The following PARVA variants were observed in gnomAD, a reference collection of about 807,000 sequenced individuals.
PARVA encodes the protein alpha-parvin.
PARVA carries 25 observed loss-of-function variants against 52.6 expected under a neutral mutation model. That is an observed-to-expected ratio of 0.48 (90% confidence interval 0.35 to 0.66). The LOEUF (loss-of-function observed/expected upper bound fraction) is 0.66. PARVA is among the 30% of genes least tolerant of loss of function. The pLI is 0.01. For synonymous variants in PARVA, 185 were observed against 179.1 expected (o/e 1.03, Z -0.26); for missense variants, 373 against 450.9 (o/e 0.83, Z 1.56).
At chr11:12,447,814 C>T (rs1940567456) in intron 1 of PARVA, among the ~76,000 whole-genome samples, 1 of 152,172 alleles carries the variant, frequency 6.6e-6, no homozygotes, top group Non-Finnish European at 1.5e-5. Context: ...AGACCACTCC[C>T]AGTGTTGGGG....
intron 1 of PARVA, among the ~76,000 whole-genome samples, chr11:12,380,326 C>T (rs1030235470): frequency 2.0e-5 from 3 of 150,552 alleles, no homozygotes; most frequent in African/African-American, 7.4e-5. Flanking sequence ...CTTAATCACT[C>T]CGAGGCCTGA....
rs148879305 is a variant in PARVA, at chr11:12,415,159, G to A, written c.136+37376G>A. Among the ~76,000 whole-genome samples, 338 of 152,286 alleles carry A rather than the reference G, an allele frequency of 2.2e-3. 1 individual carries two copies. Among genetic ancestry groups the A allele is most frequent in the African/African-American group, 7.9e-3 (328 of 41,550 alleles). On this transcript the variant is annotated intron_variant, in intron 1 of 12. Transcript: ENST00000334956. ...GGGAGAGAGTTTATTTGACATGTCA[G>A]CTGCAGGCTGTGCTTACACAGATGG...
rs11022338 is a variant in PARVA at position 12,400,181 on chromosome 11, C to T, written c.136+22398C>T. Among the ~76,000 whole-genome samples the T allele has an allele frequency of 0.035, 5,356 of 152,212 alleles. 440 individuals carry two copies. The East Asian group carries it at 0.37, about 11-fold the overall frequency. On this transcript the variant is annotated intron_variant, in intron 1 of 12. Coordinates refer to ENST00000334956, the MANE Select transcript of PARVA (RefSeq NM_018222.5). ...GGATGTGCCAACATATGTTCCCAGC[C>T]GTAGTCTATGAGAGTGCCTATTTAA...
In PARVA at chr11:12,533,478, C is replaced by T. The variant is rs1301779253; in HGVS notation, c.*5553C>T. Among the ~76,000 whole-genome samples the T allele has an allele frequency of 6.6e-6, 1 of 152,126 alleles. No individual in the cohort carries two copies. The highest frequency in any genetic ancestry group is 1.5e-5 in the Non-Finnish European group (1 of 68,024). On this transcript the variant is annotated 3_prime_UTR_variant, in exon 13 of 13. Coordinates refer to ENST00000334956, the MANE Select transcript of PARVA (RefSeq NM_018222.5). ...TATAAAATCTACCAAAAGGGGGTCA[C>T]TTAATGTTTCACAATGTTTGGTGAA... is the stretch of plus-strand genomic sequence containing the variant.
intron 4 of PARVA, chr11:12,480,309 A>C (rs1427299078): frequency 6.6e-6 from 1 of 152,130 alleles, no homozygotes; most frequent in African/African-American, 2.4e-5. Context: ...CTCAGACATC[A>C]GTATTAATGA....
chr11:12,408,208 G>GC (rs1293133061), intron 1 of PARVA, among the ~76,000 whole-genome samples: 2 of 152,076 alleles, frequency 1.3e-5, no homozygotes, highest in Non-Finnish European at 2.9e-5. Context: ...CACATGTCTG[G>GC]CCCTGCAGCC....
intron 8 of PARVA, 138 bp from the exon 9 acceptor site, chr11:12,513,161 G>T: frequency 1.3e-6 from 1 of 781,216 alleles, no homozygotes; most frequent in Non-Finnish European, 2.3e-6. Flanking sequence ...AGAGTTCCCG[G>T]CACAGTCTAT....
chr11:12,415,472 A>G (rs1260452945), intron 1 of PARVA, among the ~76,000 whole-genome samples: 1 of 141,502 alleles, frequency 7.1e-6, no homozygotes, highest in East Asian at 2.1e-4. Flanking sequence ...CATGTGCTTC[A>G]ATAACCAGGC....
intron 1 of PARVA, among the ~76,000 whole-genome samples, chr11:12,456,188 T>C (rs1323082089): frequency 6.6e-6 from 1 of 152,212 alleles, no homozygotes; most frequent in Non-Finnish European, 1.5e-5. Flanking sequence ...TGGCATGTAC[T>C]GAGAAAAGGC....
intron 1 of PARVA, among the ~76,000 whole-genome samples, chr11:12,435,113 G>A (rs890492817): frequency 2.6e-5 from 4 of 152,150 alleles, no homozygotes; most frequent in African/African-American, 9.7e-5. Context: ...AAGTTTACCT[G>A]GGACTTCCCA....
At chr11:12,389,011 G>A (rs553805728) in intron 1 of PARVA, among the ~76,000 whole-genome samples, 2 of 152,226 alleles carry the variant, frequency 1.3e-5, no homozygotes, top group East Asian at 3.9e-4. Context: ...TGATAGCCAA[G>A]AAGAAATGAT....
At chr11:12,404,104 C>CTT (rs34339812) in intron 1 of PARVA, among the ~76,000 whole-genome samples, 5 of 148,620 alleles carry the variant, frequency 3.4e-5, no homozygotes, top group Non-Finnish European at 1.5e-5. Context: ...TAATATAGCT[C>CTT]TTTTTTTTTT....
chr11:12,513,509 T>G (rs575277740), intron 9 of PARVA, 149 bp downstream of exon 9: 1 of 771,036 alleles, frequency 1.3e-6, no homozygotes, highest in South Asian at 1.4e-5. Flanking sequence ...TTGCCATCCA[T>G]GTACCTGTCT....
At chr11:12,436,908 A>G (rs1453015709) in intron 1 of PARVA, among the ~76,000 whole-genome samples, 1 of 152,210 alleles carries the variant, frequency 6.6e-6, no homozygotes, top group Non-Finnish European at 1.5e-5. Context: ...AACTTGAAAT[A>G]TGGGGATACT....
At chr11:12,415,430 C>T (rs1290338639) in intron 1 of PARVA, among the ~76,000 whole-genome samples, 1 of 152,102 alleles carries the variant, frequency 6.6e-6, no homozygotes, top group African/African-American at 2.4e-5. Flanking sequence ...AGTGGTGTGG[C>T]CTTGCCCTCC....
At chr11:12,513,219 G>T (rs750468990) in intron 8 of PARVA, 80 bp from the exon 9 acceptor site, 8 of 1,158,442 alleles carry the variant, frequency 6.9e-6, no homozygotes, top group Non-Finnish European at 9.2e-6. Flanking sequence ...CTTGAGAGGC[G>T]CGTGGCTCTG....
At chr11:12,524,733 G>A (rs1184197621) in intron 12 of PARVA, among the ~76,000 whole-genome samples, 1 of 152,068 alleles carries the variant, frequency 6.6e-6, no homozygotes, top group African/African-American at 2.4e-5. Flanking sequence ...TTTTTTCCTT[G>A]GCTTCCAAGA....
At chr11:12,380,508 C>T (rs1054250152) in intron 1 of PARVA, among the ~76,000 whole-genome samples, 1 of 150,868 alleles carries the variant, frequency 6.6e-6, no homozygotes, top group African/African-American at 2.5e-5. Flanking sequence ...TCTTCTTGCC[C>T]GTGCATCACC....
At chr11:12,394,694 C>T (rs1939708216) in intron 1 of PARVA, among the ~76,000 whole-genome samples, 1 of 152,196 alleles carries the variant, frequency 6.6e-6, no homozygotes, top group African/African-American at 2.4e-5. Context: ...TGATTACAAT[C>T]ATCCTCCTGT....
Sources: allele counts gnomAD v4.1 joint callset (sites outside exome capture counted in the v4.1 genomes callset), GRCh38; gene constraint gnomAD v4.1.1; transcripts MANE v1.5; gene names NCBI Gene and HGNC (gene_info 2026-07-23, HGNC 2026-07-21).